The following C6 variants were observed in gnomAD, a reference collection of about 807,000 sequenced individuals.
C6 encodes the protein complement component C6.
Under a neutral mutation model 112.9 loss-of-function variants are expected in C6, and 101 were observed. The ratio of observed to expected loss-of-function variants is 0.89; its 90% CI spans 0.76 to 1.06. The LOEUF is 1.06. Ranked by LOEUF, C6 falls within the 50% of genes least tolerant of loss-of-function variation. The pLI is 0.00. For missense variants in C6, 1,202 were observed against 1,104.6 expected (o/e 1.09, Z -1.25); for synonymous variants, 431 against 384.1 (o/e 1.12, Z -1.43).
chr5:41,188,465 AC>A (rs34025734), intron 5 of C6, among the ~76,000 whole-genome samples: 13,295 of 152,076 alleles, frequency 0.087, 684 homozygotes, highest in Admixed American at 0.17. Flanking sequence ...CTAGAAATAA[AC>A]CCATACATCT....
At chr5:41,180,371 A>G (rs1230597212) in intron 7 of C6, among the ~76,000 whole-genome samples, 1 of 152,186 alleles carries the variant, frequency 6.6e-6, no homozygotes, top group African/African-American at 2.4e-5. Flanking sequence ...AGCAATAGAC[A>G]GTATTTTAAA....
intron 15 of C6, among the ~76,000 whole-genome samples, chr5:41,153,278 T>A (rs2150242371): frequency 6.6e-6 from 1 of 152,346 alleles, no homozygotes; most frequent in South Asian, 2.1e-4. Flanking sequence ...CTGTGGAACA[T>A]TTCCTATTTC....
At chr5:41,208,378 A>G (rs924134330) in intron 1 of C6, among the ~76,000 whole-genome samples, 1 of 152,210 alleles carries the variant, frequency 6.6e-6, no homozygotes, top group Non-Finnish European at 1.5e-5. Flanking sequence ...ATCAGAGCAG[A>G]ACTGAAGGAC....
At chr5:41,193,812 T>TTG (rs1360804332) in intron 5 of C6, among the ~76,000 whole-genome samples, 1 of 151,558 alleles carries the variant, frequency 6.6e-6, no homozygotes, top group African/African-American at 2.4e-5. Context: ...TTTTTTTTTT[T>TTG]TGTGGTTAGA....
At chr5:41,143,155 ATAAAAAT>A in intron 17 of C6, 149 bp from the exon 18 acceptor site, 1 of 711,618 alleles carries the variant, frequency 1.4e-6, no homozygotes, top group East Asian at 2.7e-5. Context: ...AAGCCAAAAA[ATAAAAAT>A]TAAAAACAAA....
intron 1 of C6, among the ~76,000 whole-genome samples, chr5:41,244,987 C>T (rs889914175): frequency 6.6e-6 from 1 of 152,134 alleles, no homozygotes; most frequent in Non-Finnish European, 1.5e-5. Context: ...ACCTCACATT[C>T]CTAGGATTTA....
chr5:41,150,854 C>CT (rs1746323827), intron 15 of C6, among the ~76,000 whole-genome samples: 6 of 150,128 alleles, frequency 4.0e-5, no homozygotes, highest in Non-Finnish European at 8.9e-5. Flanking sequence ...GCCACTGCAC[C>CT]CAGCCTGGGC....
At position 41,176,561 on chromosome 5, in the gene C6, A is replaced by G. The variant is rs1299521005; in HGVS notation, c.1082T>C (p.Phe361Ser). ...SALYSRIFDD[F>S]GTHYFTSGSL... ...GCCAGAGGTGAAGTAATGAGTCCCA[A>G]AGTCATCGAATATTCGGCTGTACAA... is the stretch of plus-strand genomic sequence containing the variant. Residue 361 changes from phenylalanine (F) to serine (S), a missense_variant, in exon 8 of 18, where the codon TTT (phenylalanine) becomes TCT (serine). Physicochemically the swap from Phe to Ser is radical, Grantham distance 155. Coordinates refer to ENST00000337836, the MANE Select transcript of C6 (RefSeq NM_000065.5). The G allele has an allele frequency of 6.2e-7, 1 of 1,613,948 alleles. No individual in the cohort carries two copies. The highest frequency in any genetic ancestry group is 2.2e-5 in the East Asian group (1 of 44,818).
chr5:41,249,562 C>A (rs980994917), intron 1 of C6, among the ~76,000 whole-genome samples: 20 of 152,234 alleles, frequency 1.3e-4, no homozygotes, highest in African/African-American at 4.1e-4. Flanking sequence ...TCTGCTATAA[C>A]CTTCAGCAAA....
chr5:41,161,182 A>G (rs941752102), intron 10 of C6, among the ~76,000 whole-genome samples: 1 of 152,206 alleles, frequency 6.6e-6, no homozygotes, highest in Non-Finnish European at 1.5e-5. Flanking sequence ...TAAATGGCAT[A>G]TGGCTGATAC....
chr5:41,153,934 A>G lies in C6; in HGVS notation c.2166T>C (p.Tyr722=), dbSNP rs1580051848. ...VLTITPFQRL[Y]RIGESIELTC... The stretch of plus-strand genomic sequence containing the variant: ...TTAGCTCAATGGATTCACCAATTCT[A>G]TACAATCTCTGAAATGGTGTAATTG... Residue 722 remains tyrosine, a synonymous_variant, in exon 15 of 18, where the codon TAT becomes TAC. Coordinates refer to ENST00000337836, the MANE Select transcript of C6 (RefSeq NM_000065.5). 1.9e-6 allele frequency: 3 copies of G among 1,613,716 alleles called. No homozygotes were observed. The highest frequency in any genetic ancestry group is 1.1e-5 in the South Asian group (1 of 91,084).
In C6 at chr5:41,158,706, G is replaced by A. The variant is rs751461380; in HGVS notation, c.1936C>T (p.Gln646Ter). Residue 646 changes from glutamine (Q) to a stop codon, truncating the protein, a stop_gained, in exon 13 of 18, where the codon CAG becomes TAG. Coordinates refer to ENST00000337836, the MANE Select transcript of C6 (RefSeq NM_000065.5). LOFTEE classifies it high-confidence loss of function. Reference sequence around the variant, plus strand: ...AATCCATTTTCTGGAGGAACTGGCTGAGGACACCCGGAATCTGCTTCTATC... The same window carrying A: ...AATCCATTTTCTGGAGGAACTGGCTAAGGACACCCGGAATCTGCTTCTATC... ...PEIEADSGCP[Q>*]PVPPENGFIR... 12 of 1,610,302 alleles carry A rather than the reference G, an allele frequency of 7.5e-6. No homozygotes were observed. The highest frequency in any genetic ancestry group is 9.3e-6 in the Non-Finnish European group (11 of 1,176,694).
chr5:41,194,154 T>G (rs1446601356), intron 5 of C6, among the ~76,000 whole-genome samples: 1 of 151,920 alleles, frequency 6.6e-6, no homozygotes, highest in Admixed American at 6.6e-5. Flanking sequence ...TCAGTGGGAG[T>G]TTTTGGCTGA....
rs775431412 is a variant in C6 at position 41,201,694 on chromosome 5, T to G, written c.164A>C (p.Tyr55Ser). 1 of 1,613,734 alleles carries G rather than the reference T, an allele frequency of 6.2e-7. No homozygotes were observed. The highest frequency in any genetic ancestry group is 8.5e-7 in the Non-Finnish European group (1 of 1,179,800). The change falls in exon 3 of 18, where the codon TAC (tyrosine) becomes TCC (serine). Residue 55 changes from tyrosine to serine, a missense_variant. Tyr to Ser is a moderately radical substitution (Grantham distance 144). Coordinates refer to ENST00000337836, the MANE Select transcript of C6 (RefSeq NM_000065.5). The stretch of plus-strand genomic sequence containing the variant: ...CTGTTCACAAAAGTTTTCCTGGTAG[T>G]ACTTATCTACTACTATTTGTCTGTA... Reference protein sequence around the residue: ...SRHRQIVVDKYYQENFCEQIC... With the variant: ...SRHRQIVVDKSYQENFCEQIC...
intron 1 of C6, among the ~76,000 whole-genome samples, chr5:41,236,990 A>C (rs1272913025): frequency 6.6e-6 from 1 of 151,854 alleles, no homozygotes; most frequent in Non-Finnish European, 1.5e-5. Context: ...AAGTGGATAC[A>C]TTCCTCGACA....
intron 13 of C6, among the ~76,000 whole-genome samples, chr5:41,156,953 G>A (rs1211425731): frequency 2.6e-5 from 4 of 152,042 alleles, no homozygotes; most frequent in African/African-American, 9.7e-5. Flanking sequence ...AAAAGTCCCT[G>A]TCACTTACAG....
At chr5:41,246,591 G>A (rs1156811025) in intron 1 of C6, among the ~76,000 whole-genome samples, 3 of 152,194 alleles carry the variant, frequency 2.0e-5, no homozygotes, top group African/African-American at 7.2e-5. Context: ...GGGCCAGGGT[G>A]CATCTAACTA....
At chr5:41,215,001 C>A (rs1752147281), upstream of C6, among the ~76,000 whole-genome samples, 1 of 152,100 alleles carries the variant, frequency 6.6e-6, no homozygotes, top group Non-Finnish European at 1.5e-5. Context: ...GACCCAGCAC[C>A]AACTAAGAAT....
Position 41,142,886 on chromosome 5 carries a change from C to A in C6, c.2744G>T (p.Gly915Val). ...SEKTLNICEV[G>V]TIRCANRKME... ...CTTCCTGTTTGCACATCTTATAGTTCCCACTTCACAGATGTTCAATGTTTT... is the reference window on the plus strand; with the variant it reads ...CTTCCTGTTTGCACATCTTATAGTTACCACTTCACAGATGTTCAATGTTTT... The change falls in exon 18 of 18, where the codon GGA (glycine) becomes GTA (valine). Residue 915 changes from glycine to valine, a missense_variant. By Grantham distance (109) the Gly-to-Val change is moderately radical (BLOSUM62 -3). Coordinates refer to ENST00000337836, the MANE Select transcript of C6 (RefSeq NM_000065.5). The A allele has an allele frequency of 6.2e-7, 1 of 1,613,306 alleles. No homozygotes were observed. Among genetic ancestry groups the A allele is most frequent in the South Asian group, 1.1e-5 (1 of 91,058 alleles).
Sources: allele counts gnomAD v4.1 joint callset (sites outside exome capture counted in the v4.1 genomes callset), GRCh38; gene constraint gnomAD v4.1.1; transcripts MANE v1.5; gene names NCBI Gene and HGNC (gene_info 2026-07-23, HGNC 2026-07-21).